Variants in TMX1 observed in about 807,000 individuals in gnomAD.
The protein encoded by TMX1 is thioredoxin-related transmembrane protein 1.
In TMX1, 25 loss-of-function variants were observed where a neutral mutation model predicts 36.6. The ratio of observed to expected loss-of-function variants is 0.68; its 90% CI spans 0.50 to 0.95. TMX1 has a LOEUF of 0.95. Among genes scored for constraint, TMX1 ranks in the 40% least tolerant of loss-of-function variants. The pLI is 0.00. For missense variants in TMX1, 347 were observed against 339.6 expected (o/e 1.02, Z -0.17); for synonymous variants, 133 against 118.0 (o/e 1.13, Z -0.82).
chr14:51,248,908 T>C (rs2065798618), intron 4 of TMX1, among the ~76,000 whole-genome samples: 1 of 152,218 alleles, frequency 6.6e-6, no homozygotes. Context: ...TGGAAAGAAT[T>C]GGCTTGACAA....
intron 3 of TMX1, among the ~76,000 whole-genome samples, chr14:51,246,165 C>G (rs1017529013): frequency 6.6e-6 from 1 of 151,992 alleles, no homozygotes; most frequent in African/African-American, 2.4e-5. Flanking sequence ...TGCTTCTGTC[C>G]TGCCCTTCTC....
chr14:51,246,581 C>T (rs532866762), intron 3 of TMX1, among the ~76,000 whole-genome samples: 1 of 152,244 alleles, frequency 6.6e-6, no homozygotes, highest in East Asian at 1.9e-4. Flanking sequence ...CTGCAAAGCT[C>T]ACTAAATAGT....
In TMX1 at chr14:51,245,371, A is replaced by G. The variant is rs750732742; in HGVS notation, c.314+13A>G. The G allele has an allele frequency of 1.9e-6, 3 of 1,613,674 alleles. No individual in the cohort carries two copies. The Admixed American group carries it at 5.0e-5, about 27-fold the overall frequency. ...CTACTATTTATCAGTAAGTATTTGA[A>G]GATTCTAAATTATGGAGAAGGATGC... On this transcript the variant is annotated intron_variant, in intron 3 of 7. Coordinates refer to ENST00000457354, the MANE Select transcript of TMX1 (RefSeq NM_030755.5).
chr14:51,242,641 G>C (rs1234853065), intron 1 of TMX1, among the ~76,000 whole-genome samples: 1 of 152,174 alleles, frequency 6.6e-6, no homozygotes, highest in Non-Finnish European at 1.5e-5. Flanking sequence ...TTAGCTGGGC[G>C]TGTGGGCAGG....
In TMX1 at chr14:51,254,328, C is replaced by G. The variant is rs772745348; in HGVS notation, c.665-13C>G. The G allele has an allele frequency of 6.3e-7, 1 of 1,575,118 alleles. No individual in the cohort carries two copies. The highest frequency in any genetic ancestry group is 1.2e-5 in the South Asian group (1 of 83,426). ...ACATCAACAAAAATACATTTTTGGT[C>G]TTTGTCTTTAAGAAAAATTATTATC... On this transcript the variant is annotated splice_polypyrimidine_tract_variant and intron_variant, in intron 7 of 7. Coordinates refer to ENST00000457354, the MANE Select transcript of TMX1 (RefSeq NM_030755.5).
intron 7 of TMX1, 132 bp downstream of exon 7, chr14:51,249,897 A>G (rs542633032): frequency 3.0e-6 from 2 of 662,290 alleles, no homozygotes; most frequent in African/African-American, 1.8e-5. Context: ...TTTATCAGCT[A>G]TGGCATAAAG....
chr14:51,245,562 AGATTT>A, intron 3 of TMX1: 1 of 1,312,726 alleles, frequency 7.6e-7, no homozygotes, highest in Non-Finnish European at 1.0e-6. Flanking sequence ...CTGTTCTCAA[AGATTT>A]ACAGTTGTTT....
In TMX1 at chr14:51,254,463, C is replaced by A. The variant is rs201886684; in HGVS notation, c.787C>A (p.Gln263Lys). 3 of 1,611,206 alleles carry A rather than the reference C, an allele frequency of 1.9e-6. No individual in the cohort carries two copies. The South Asian group carries it at 3.3e-5, about 18-fold the overall frequency. ...SKEGTNKDFPQNAIRQRSLGP... is the reference protein window; with the variant it reads ...SKEGTNKDFPKNAIRQRSLGP... Reference sequence around the variant, plus strand: ...AGAAGGAACAAACAAAGACTTTCCACAGAATGCCATAAGACAACGCTCTCT... The same window carrying A: ...AGAAGGAACAAACAAAGACTTTCCAAAGAATGCCATAAGACAACGCTCTCT... Residue 263 changes from glutamine (Q) to lysine (K), a missense_variant, in exon 8 of 8, where the codon CAG becomes AAG. Transcript: ENST00000457354.
chr14:51,254,291 A>G (rs2065828187), intron 7 of TMX1, 50 bp from the exon 8 acceptor site: 1 of 1,514,448 alleles, frequency 6.6e-7, no homozygotes, highest in African/African-American at 1.4e-5. Flanking sequence ...TTTACTCTAA[A>G]GCAAATCTAA....
In TMX1 at chr14:51,247,157, T is replaced by C. The variant is rs373388935; in HGVS notation, c.380T>C (p.Ile127Thr). ...PRTKKDFINFISDKEWKSIEP... is the reference protein window; with the variant it reads ...PRTKKDFINFTSDKEWKSIEP... ...ACTAAGAAGGACTTCATAAACTTTA[T>C]AAGTGATAAAGAGTGGAAGAGTATT... Residue 127 changes from isoleucine (I) to threonine (T), a missense_variant, in exon 4 of 8, where the codon ATA becomes ACA. Ile to Thr is a moderately conservative substitution (Grantham distance 89). Coordinates refer to ENST00000457354, the MANE Select transcript of TMX1 (RefSeq NM_030755.5). 5 of 1,613,504 alleles carry C rather than the reference T, an allele frequency of 3.1e-6. No homozygotes were observed. In the Admixed American group the frequency reaches 5.0e-5, roughly 16 times the overall value.
At chr14:51,246,919 A>G (rs756122817) in intron 3 of TMX1, among the ~76,000 whole-genome samples, 173 bp from the exon 4 acceptor site, 3 of 152,178 alleles carry the variant, frequency 2.0e-5, no homozygotes, top group Non-Finnish European at 4.4e-5. Context: ...TCATTGTTAA[A>G]TTGGGGGCTA....
chr14:51,245,511 C>T (rs1020525039), intron 3 of TMX1, 153 bp downstream of exon 3: 1 of 1,525,940 alleles, frequency 6.6e-7, no homozygotes, highest in Non-Finnish European at 8.8e-7. Context: ...TAGTGTTATC[C>T]TAGGTGCCTT....
intron 7 of TMX1, among the ~76,000 whole-genome samples, chr14:51,251,412 G>T (rs530288894): frequency 2.6e-5 from 4 of 152,198 alleles, no homozygotes; most frequent in African/African-American, 9.6e-5. Flanking sequence ...ATTTATCAGG[G>T]TATAACCCCA....
intron 4 of TMX1, among the ~76,000 whole-genome samples, chr14:51,248,960 T>G (rs1231039316): frequency 6.6e-6 from 1 of 152,206 alleles, no homozygotes; most frequent in Non-Finnish European, 1.5e-5. Context: ...GGTCTTGCTT[T>G]GAAGGCTTTT....
rs2065802076 is a variant in TMX1 at position 51,249,553 on chromosome 14, G to C, written c.575G>C (p.Gly192Ala). Residue 192 changes from glycine to alanine, a missense_variant, in exon 6 of 8, where the codon GGA becomes GCA. Transcript: ENST00000457354. Reference protein sequence around the residue: ...TVFALATLFSGLLLGLCMIFV... With the variant: ...TVFALATLFSALLLGLCMIFV... ...TTTGCTTTAGCAACTCTGTTTTCCGGACTGTTATTAGGACTCGTAAGTATT... is the reference window on the plus strand; with the variant it reads ...TTTGCTTTAGCAACTCTGTTTTCCGCACTGTTATTAGGACTCGTAAGTATT... 6.2e-7 allele frequency: 1 copy of C among 1,613,634 alleles called. No individual in the cohort carries two copies. The highest frequency in any genetic ancestry group is 1.7e-5 in the Admixed American group (1 of 59,982).
intron 2 of TMX1, among the ~76,000 whole-genome samples, chr14:51,244,990 T>TGTGCTCTCCCATGAGCACAAG (rs1358062109): frequency 1.3e-5 from 2 of 152,180 alleles, no homozygotes; most frequent in African/African-American, 4.8e-5. Flanking sequence ...CCTATTACCT[T>TGTGCTCTCCCATGAGCACAAG]GTGCTCTCCC....
intron 7 of TMX1, among the ~76,000 whole-genome samples, chr14:51,250,782 C>CAT (rs2065808243): frequency 6.6e-6 from 1 of 152,198 alleles, no homozygotes; most frequent in Admixed American, 6.5e-5. Flanking sequence ...TGAGCCACTG[C>CAT]GCCCAGCCAT....
chr14:51,250,294 G>C (rs1468840136), intron 7 of TMX1, among the ~76,000 whole-genome samples: 1 of 152,174 alleles, frequency 6.6e-6, no homozygotes, highest in Non-Finnish European at 1.5e-5. Context: ...TATATTTGCA[G>C]TTCTTAAAGA....
At position 51,250,480 on chromosome 14, in the gene TMX1, TTTTGTTTGTTTG is replaced by T. The variant is rs143992568; in HGVS notation, c.664+731_664+742del. Among the ~76,000 whole-genome samples the T allele has an allele frequency of 3.3e-5, 5 of 150,570 alleles. No homozygotes were observed. In the East Asian group the frequency reaches 5.9e-4, roughly 18 times the overall value. ...CTGATATTCCTTCATTTATTATGTCTTTTGTTTGTTTGTTTGTTTGTTTGTTTTTGAGACGGA... is the reference window on the plus strand; with the variant it reads ...CTGATATTCCTTCATTTATTATGTCTTTTGTTTGTTTGTTTTTGAGACGGA... On this transcript the variant is annotated intron_variant, in intron 7 of 7. Transcript: ENST00000457354.
Sources: allele counts gnomAD v4.1 joint callset (sites outside exome capture counted in the v4.1 genomes callset), GRCh38; gene constraint gnomAD v4.1.1; transcripts MANE v1.5; gene names NCBI Gene and HGNC (gene_info 2026-07-23, HGNC 2026-07-21).